RAB38: variants seen among roughly 807,000 people sequenced by gnomAD.
RAB38 encodes the protein RAB38, member RAS oncogene family, also known as ras-related protein Rab-38.
Under a neutral mutation model 18.4 loss-of-function variants are expected in RAB38, and 15 were observed. The observed-to-expected ratio is 0.82, with a 90% CI of 0.55 to 1.26. RAB38 has a LOEUF of 1.26. RAB38 is among the 50% of genes most tolerant of loss of function. The pLI, the probability that RAB38 is intolerant of heterozygous loss-of-function variation, is 0.00. For synonymous variants in RAB38, 101 were observed against 104.4 expected, an observed-to-expected ratio of 0.97 and a Z score of 0.20; for missense variants, 294 against 267.4, an observed-to-expected ratio of 1.10 and a Z score of -0.69.
the RAB38 span, among the ~76,000 whole-genome samples, chr11:87,909,142 C>A: frequency 6.6e-6 from 1 of 151,968 alleles, no homozygotes; most frequent in Non-Finnish European, 1.5e-5. Flanking sequence ...TGAAATGAAT[C>A]ATTTTCTTCT....
the RAB38 span, among the ~76,000 whole-genome samples, chr11:88,043,782 T>C: frequency 3.3e-5 from 5 of 152,200 alleles, no homozygotes; most frequent in African/African-American, 7.2e-5. Flanking sequence ...TGGTGGTCTC[T>C]TCACATGGAC....
the RAB38 span, among the ~76,000 whole-genome samples, chr11:87,858,256 G>T: frequency 6.6e-6 from 1 of 152,092 alleles, no homozygotes; most frequent in Admixed American, 6.6e-5. Flanking sequence ...CCTGGAATCA[G>T]CATTGGCCTA....
At chr11:87,891,387 G>T in the RAB38 span, among the ~76,000 whole-genome samples, 2 of 151,798 alleles carry the variant, frequency 1.3e-5, no homozygotes, top group African/African-American at 4.8e-5. Flanking sequence ...TACACACAGA[G>T]GAAGAATGAC....
At chr11:87,808,879 G>C in the RAB38 span, among the ~76,000 whole-genome samples, 1 of 151,976 alleles carries the variant, frequency 6.6e-6, no homozygotes, top group Non-Finnish European at 1.5e-5. Flanking sequence ...GCATTTTCAT[G>C]GGTAAAAATA....
the RAB38 span, among the ~76,000 whole-genome samples, chr11:87,838,331 G>T: frequency 6.6e-6 from 1 of 152,092 alleles, no homozygotes; most frequent in Non-Finnish European, 1.5e-5. Flanking sequence ...AGCCAGGATG[G>T]TCTCGATCTC....
the RAB38 span, among the ~76,000 whole-genome samples, chr11:87,911,200 G>T: frequency 6.6e-6 from 1 of 151,990 alleles, no homozygotes; most frequent in African/African-American, 2.4e-5. Context: ...AAAGTTGGTT[G>T]GTGAATTAAA....
the RAB38 span, among the ~76,000 whole-genome samples, chr11:87,875,672 A>C: frequency 6.6e-6 from 1 of 151,450 alleles, no homozygotes; most frequent in Non-Finnish European, 1.5e-5. Flanking sequence ...TTGCAGTTTT[A>C]AGTTTTAATT....
the RAB38 span, among the ~76,000 whole-genome samples, chr11:87,812,870 A>G: frequency 6.6e-6 from 1 of 152,250 alleles, no homozygotes; most frequent in African/African-American, 2.4e-5. Flanking sequence ...CATAAATTCT[A>G]AATTGGCCTG....
the RAB38 span, among the ~76,000 whole-genome samples, chr11:88,031,360 T>C: frequency 1.4e-5 from 2 of 147,838 alleles, no homozygotes; most frequent in South Asian, 2.2e-4. Context: ...TTCAACATAG[T>C]GTTGGAAGTT....
chr11:88,008,152 A>T, the RAB38 span, among the ~76,000 whole-genome samples: 3 of 152,274 alleles, frequency 2.0e-5, no homozygotes, highest in Admixed American at 6.5e-5. Flanking sequence ...TTGGTTAGAT[A>T]TGTACATAAT....
chr11:88,138,603 T>C (rs998261527), intron 2 of RAB38, among the ~76,000 whole-genome samples: 4 of 152,118 alleles, frequency 2.6e-5, no homozygotes, highest in Non-Finnish European at 4.4e-5. Context: ...CTGCTAACCA[T>C]AGGATAATGG....
At chr11:87,965,192 G>C in the RAB38 span, among the ~76,000 whole-genome samples, 3 of 151,706 alleles carry the variant, frequency 2.0e-5, no homozygotes, top group African/African-American at 7.3e-5. Flanking sequence ...CTGTACCAGA[G>C]AATCAGCAGT....
chr11:87,975,141 T>A, the RAB38 span, among the ~76,000 whole-genome samples: 1 of 151,872 alleles, frequency 6.6e-6, no homozygotes, highest in Non-Finnish European at 1.5e-5. Context: ...TTTCTCTGCA[T>A]CCCCTCCTCT....
the RAB38 span, among the ~76,000 whole-genome samples, chr11:88,093,275 A>G: frequency 1.3e-5 from 2 of 151,912 alleles, no homozygotes; most frequent in Non-Finnish European, 2.9e-5. Context: ...CCAATCTGCA[A>G]TAAACATTAT....
the RAB38 span, among the ~76,000 whole-genome samples, chr11:87,838,126 T>TTA: frequency 6.6e-6 from 1 of 151,832 alleles, no homozygotes; most frequent in African/African-American, 2.4e-5. Context: ...TTTATTTTTT[T>TTA]TTTTTTGAGA....
At chr11:88,079,926 T>C in the RAB38 span, among the ~76,000 whole-genome samples, 2 of 151,682 alleles carry the variant, frequency 1.3e-5, no homozygotes, top group Admixed American at 6.6e-5. Context: ...CAAAAACCTT[T>C]ACCTAATATT....
At chr11:88,087,544 T>G in the RAB38 span, among the ~76,000 whole-genome samples, 1 of 151,854 alleles carries the variant, frequency 6.6e-6, no homozygotes, top group Non-Finnish European at 1.5e-5. Flanking sequence ...CACTGCTCCT[T>G]GAGAAGCAGG....
chr11:88,037,522 CA>C, the RAB38 span, among the ~76,000 whole-genome samples: 2 of 152,024 alleles, frequency 1.3e-5, no homozygotes, highest in Non-Finnish European at 1.5e-5. Context: ...ACATCATAAT[CA>C]AGACATAGAA....
At chr11:87,863,617 C>T in the RAB38 span, among the ~76,000 whole-genome samples, 2 of 151,734 alleles carry the variant, frequency 1.3e-5, no homozygotes, top group African/African-American at 2.4e-5. Flanking sequence ...TAAATAAAAA[C>T]CTGGAGACCT....
Sources: gnomAD v4.1 joint callset for allele counts (sites outside exome capture counted in the v4.1 genomes callset) on GRCh38, gnomAD v4.1.1 for gene constraint, MANE v1.5 for transcripts, NCBI Gene and HGNC (gene_info 2026-07-23, HGNC 2026-07-21) for gene names.